CENPP: variants seen among roughly 807,000 people sequenced by gnomAD.
The protein encoded by CENPP is centromere protein P.
Under a neutral mutation model 35.6 loss-of-function variants are expected in CENPP, and 24 were observed. The observed-to-expected ratio is 0.67, with a 90% CI of 0.49 to 0.95. The LOEUF (loss-of-function observed/expected upper bound fraction) is 0.95. Ranked by LOEUF, CENPP falls within the 40% of genes least tolerant of loss-of-function variation. CENPP has a pLI of 0.00. For missense variants in CENPP, 332 were observed against 345.3 expected (o/e 0.96, Z 0.31); for synonymous variants, 120 against 125.5 (o/e 0.96, Z 0.29).
chr9:92,585,009 T>C (rs1850508627), intron 5 of CENPP, among the ~76,000 whole-genome samples: 1 of 152,230 alleles, frequency 6.6e-6, no homozygotes, highest in Admixed American at 6.5e-5. Flanking sequence ...AAGCAACAAA[T>C]ATATACACCT....
intron 5 of CENPP, among the ~76,000 whole-genome samples, chr9:92,533,506 T>G (rs1309461497): frequency 6.6e-6 from 1 of 151,148 alleles, no homozygotes; most frequent in Non-Finnish European, 1.5e-5. Context: ...CAGATGCTTC[T>G]AGAAGAAAAA....
At chr9:92,369,926 C>G (rs1564282127) in intron 4 of CENPP, among the ~76,000 whole-genome samples, 1 of 151,894 alleles carries the variant, frequency 6.6e-6, no homozygotes, top group Non-Finnish European at 1.5e-5. Context: ...TCAACTTTCC[C>G]CTGTTCAGTA....
chr9:92,394,512 A>G (rs1019401729), intron 5 of CENPP, among the ~76,000 whole-genome samples: 1 of 151,564 alleles, frequency 6.6e-6, no homozygotes, highest in African/African-American at 2.4e-5. Flanking sequence ...CGGTCTCCCA[A>G]AGTGCCGGGA....
chr9:92,510,833 C>T (rs913341682), intron 5 of CENPP, among the ~76,000 whole-genome samples: 1 of 152,148 alleles, frequency 6.6e-6, no homozygotes, highest in Non-Finnish European at 1.5e-5. Context: ...TAATGCTAGC[C>T]ATTTTCTAGA....
chr9:92,387,170 C>T (rs868126630), intron 5 of CENPP, among the ~76,000 whole-genome samples: 5 of 151,000 alleles, frequency 3.3e-5, no homozygotes, highest in East Asian at 1.9e-4. Context: ...GTCAGGAGTT[C>T]GAGACCAGCC....
At chr9:92,434,112 TG>T (rs1844188480) in intron 5 of CENPP, among the ~76,000 whole-genome samples, 1 of 151,916 alleles carries the variant, frequency 6.6e-6, no homozygotes, top group Non-Finnish European at 1.5e-5. Flanking sequence ...AATTGGAGAC[TG>T]GGCGCGGTGG....
chr9:92,371,478 A>G (rs1010524610), intron 4 of CENPP, among the ~76,000 whole-genome samples: 1 of 152,166 alleles, frequency 6.6e-6, no homozygotes, highest in Non-Finnish European at 1.5e-5. Flanking sequence ...GAGAAGACAC[A>G]TGCTATGATT....
chr9:92,457,481 A>C, intron 5 of CENPP: 1 of 1,602,528 alleles, frequency 6.2e-7, no homozygotes, highest in Non-Finnish European at 8.5e-7. Flanking sequence ...ATGAAGGAAG[A>C]TTATCTGTTG....
At chr9:92,594,733 T>G (rs1434577622) in intron 5 of CENPP, among the ~76,000 whole-genome samples, 1 of 151,916 alleles carries the variant, frequency 6.6e-6, no homozygotes, top group African/African-American at 2.4e-5. Context: ...GGTGGAGGGA[T>G]CACTTGAGGC....
intron 5 of CENPP, among the ~76,000 whole-genome samples, chr9:92,551,957 T>TATA (rs1849607105): frequency 8.6e-6 from 1 of 116,738 alleles, no homozygotes; most frequent in African/African-American, 4.6e-5. Context: ...ATATATGATA[T>TATA]ATATATGTGT....
chr9:92,530,841 G>A (rs1219795476), intron 5 of CENPP, among the ~76,000 whole-genome samples: 1 of 152,062 alleles, frequency 6.6e-6, no homozygotes, highest in Non-Finnish European at 1.5e-5. Context: ...TCCAATCCTT[G>A]TTCCTCTCCC....
intron 5 of CENPP, among the ~76,000 whole-genome samples, chr9:92,605,276 A>C (rs1461386534): frequency 6.6e-6 from 1 of 152,170 alleles, no homozygotes; most frequent in East Asian, 1.9e-4. Context: ...GGTGTGAACC[A>C]CTGCGCCCAG....
intron 5 of CENPP, among the ~76,000 whole-genome samples, chr9:92,410,610 G>C (rs1054162836): frequency 2.0e-5 from 3 of 152,166 alleles, no homozygotes; most frequent in African/African-American, 7.2e-5. Flanking sequence ...ACCCTTAGTA[G>C]TCTCTCTTGT....
chr9:92,349,647 C>T (rs750420532), intron 4 of CENPP, among the ~76,000 whole-genome samples: 1 of 152,062 alleles, frequency 6.6e-6, no homozygotes, highest in African/African-American at 2.4e-5. Flanking sequence ...AGTGATCCGC[C>T]CACCTCAGCC....
chr9:92,350,606 C>T (rs898005283), intron 4 of CENPP, among the ~76,000 whole-genome samples: 7 of 152,084 alleles, frequency 4.6e-5, no homozygotes, highest in Admixed American at 2.6e-4. Context: ...TGATGGAGAA[C>T]GAAATATCGT....
Position 92,448,241 on chromosome 9 carries a change from C to G in CENPP, c.564+68382C>G, listed in dbSNP as rs1388535828. ...TGGGAGATGGAGTTAGTACTCAAAT[C>G]ATCTTGTGGGTTAGGGGTTTTTCTC... On this transcript the variant is annotated intron_variant, in intron 5 of 7. Transcript: ENST00000375587. Among the ~76,000 whole-genome samples, 10 of 151,824 alleles carry G rather than the reference C, an allele frequency of 6.6e-5. No homozygotes were observed. The East Asian group carries it at 1.9e-3, about 29-fold the overall frequency.
intron 5 of CENPP, among the ~76,000 whole-genome samples, chr9:92,603,664 A>C (rs925986640): frequency 6.6e-6 from 1 of 152,050 alleles, no homozygotes; most frequent in Non-Finnish European, 1.5e-5. Flanking sequence ...CCTCACAAAA[A>C]GTACCTCATC....
At chr9:92,415,264 T>C (rs763312593) in intron 5 of CENPP, 1 of 1,613,792 alleles carries the variant, frequency 6.2e-7, no homozygotes, top group Non-Finnish European at 8.5e-7. Flanking sequence ...ATCATCATCA[T>C]CTGGAAATCT....
intron 5 of CENPP, among the ~76,000 whole-genome samples, chr9:92,402,246 G>A (rs1843145091): frequency 6.6e-6 from 1 of 151,956 alleles, no homozygotes; most frequent in Non-Finnish European, 1.5e-5. Flanking sequence ...TCTTAGTGAT[G>A]GGCAAAAATA....
Sources: gnomAD v4.1 joint callset for allele counts (sites outside exome capture counted in the v4.1 genomes callset) on GRCh38, gnomAD v4.1.1 for gene constraint, MANE v1.5 for transcripts, NCBI Gene and HGNC (gene_info 2026-07-23, HGNC 2026-07-21) for gene names.